Variants in TRIM5 observed in about 807,000 individuals in gnomAD.
TRIM5 encodes the protein tripartite motif containing 5, also known as tripartite motif-containing protein 5.
In TRIM5, 31 loss-of-function variants were observed where a neutral mutation model predicts 35.6. That is an observed-to-expected ratio of 0.87 (90% CI 0.65 to 1.18). TRIM5 has a LOEUF of 1.18. Ranked by LOEUF, TRIM5 falls within the 50% of genes most tolerant of loss-of-function variation. The pLI, the probability that TRIM5 is intolerant of heterozygous loss-of-function variation, is 0.00. For synonymous variants in TRIM5, 243 were observed against 215.6 expected (o/e 1.13, Z -1.11); for missense variants, 609 against 591.6 (o/e 1.03, Z -0.31).
At chr11:5,602,361 T>A in the TRIM5 span, among the ~76,000 whole-genome samples, 2 of 151,960 alleles carry the variant, frequency 1.3e-5, no homozygotes, top group Non-Finnish European at 2.9e-5. Flanking sequence ...GAGAATGGCT[T>A]GAACCCAGGA....
At chr11:5,616,288 T>G in the TRIM5 span, among the ~76,000 whole-genome samples, 3 of 144,408 alleles carry the variant, frequency 2.1e-5, no homozygotes, top group South Asian at 4.5e-4. Flanking sequence ...GTCTTCGTAC[T>G]CCAGCCTGGG....
chr11:5,663,561 T>C lies in TRIM5; in HGVS notation c.*1248A>G. On this transcript the variant is annotated 3_prime_UTR_variant, in exon 8 of 8. Transcript: ENST00000380034. Reference sequence around the variant, plus strand: ...TATTAGATCAAGACACTTAGATAGATGCTTTATACTTCAGGAATTTATTTT... The same window carrying C: ...TATTAGATCAAGACACTTAGATAGACGCTTTATACTTCAGGAATTTATTTT... 2 of 972,000 alleles carry C rather than the reference T, an allele frequency of 2.1e-6. No individual in the cohort carries two copies. The highest frequency in any genetic ancestry group is 5.3e-4 in the Middle Eastern group (1 of 1,880). The allele number at this position is 972,000 out of a possible 1,614,324, so 60.2% of individuals were successfully genotyped here. A position where few individuals can be genotyped will look rare whatever the true frequency, so the allele number is the denominator to read the frequency against.
chr11:5,656,745 T>TG, the TRIM5 span, among the ~76,000 whole-genome samples: 1 of 151,908 alleles, frequency 6.6e-6, no homozygotes, highest in Non-Finnish European at 1.5e-5. Context: ...GAAATGCAAA[T>TG]CAAAACCACA....
intron 1 of TRIM5, among the ~76,000 whole-genome samples, chr11:5,682,853 A>G (rs1852609098): frequency 6.8e-6 from 1 of 146,420 alleles, no homozygotes; most frequent in Non-Finnish European, 1.5e-5. Flanking sequence ...GCGGCACTTG[A>G]GGAGCTCTTC....
chr11:5,648,367 G>A, the TRIM5 span, among the ~76,000 whole-genome samples: 20 of 152,134 alleles, frequency 1.3e-4, no homozygotes, highest in South Asian at 8.3e-4. Flanking sequence ...TTAGCCGGGC[G>A]TGGTGGCGGG....
intron 4 of TRIM5, 97 bp from the exon 5 acceptor site, chr11:5,667,808 A>G: frequency 7.4e-7 from 1 of 1,354,686 alleles, no homozygotes; most frequent in Non-Finnish European, 1.0e-6. Flanking sequence ...TGTGCTGAGA[A>G]TGGAGATGGT....
At chr11:5,642,273 C>G in the TRIM5 span, 1 of 720,610 alleles carries the variant, frequency 1.4e-6, no homozygotes, top group Non-Finnish European at 2.2e-6. Flanking sequence ...CCGGCTCTCC[C>G]TTCTCCCCCT....
chr11:5,643,967 T>C, the TRIM5 span: 1 of 509,390 alleles, frequency 2.0e-6, no homozygotes. Flanking sequence ...TGCCTTCCCA[T>C]TTATCCATGT....
chr11:5,608,558 A>T, the TRIM5 span, among the ~76,000 whole-genome samples: 1 of 152,068 alleles, frequency 6.6e-6, no homozygotes, highest in Non-Finnish European at 1.5e-5. Context: ...AAAGGGGATG[A>T]ACTGGCCTCT....
the TRIM5 span, among the ~76,000 whole-genome samples, chr11:5,617,804 A>T: frequency 1.3e-5 from 2 of 151,872 alleles, no homozygotes; most frequent in African/African-American, 4.8e-5. Context: ...CTCAATCTTT[A>T]TAGTGGTCCT....
chr11:5,625,550 C>G, the TRIM5 span, among the ~76,000 whole-genome samples: 3 of 152,126 alleles, frequency 2.0e-5, no homozygotes, highest in Non-Finnish European at 4.4e-5. Flanking sequence ...GGGAGCACGG[C>G]CAGGGGTTGA....
intron 4 of TRIM5, among the ~76,000 whole-genome samples, chr11:5,675,685 T>G (rs1265715925): frequency 6.6e-6 from 1 of 151,434 alleles, no homozygotes; most frequent in Admixed American, 6.6e-5. Context: ...TTTCTTCTGT[T>G]GTGTTTTTTT....
Position 5,664,718 on chromosome 11 carries a change from A to G in TRIM5, c.*91T>C. On this transcript the variant is annotated 3_prime_UTR_variant, in exon 8 of 8. Coordinates refer to ENST00000380034, the MANE Select transcript of TRIM5 (RefSeq NM_033034.3). ...AGAAAGAAGGGAGACAGCAAGGAAA[A>G]GATGGTTAAAATGATGCAAATGAGT... 1 of 1,485,288 alleles carries G rather than the reference A, an allele frequency of 6.7e-7. No individual in the cohort carries two copies. Among genetic ancestry groups the G allele is most frequent in the Non-Finnish European group, 8.9e-7 (1 of 1,121,580 alleles). The allele number at this position is 1,485,288 out of a possible 1,614,324, so 92.0% of individuals were successfully genotyped here. A position where few individuals can be genotyped will look rare whatever the true frequency, so the allele number is the denominator to read the frequency against.
At position 5,680,352 on chromosome 11, in the gene TRIM5, A is replaced by C. The variant is rs558083096; in HGVS notation, c.-61-114T>G. ...GATGAAAATAATTAAGGACAAAAAA[A>C]GGGGAGAAATAAGAAAAGGTGTTTG... On this transcript the variant is annotated intron_variant, in intron 1 of 7. Coordinates refer to ENST00000380034, the MANE Select transcript of TRIM5 (RefSeq NM_033034.3). 104 of 647,294 alleles carry C rather than the reference A, an allele frequency of 1.6e-4. 2 individuals are homozygous for C. The South Asian group carries it at 3.5e-3, about 22-fold the overall frequency. The allele number at this position is 647,294 out of a possible 1,614,324, so 40.1% of individuals were successfully genotyped here. A position where few individuals can be genotyped will look rare whatever the true frequency, so the allele number is the denominator to read the frequency against.
chr11:5,627,651 A>G, the TRIM5 span, among the ~76,000 whole-genome samples: 1 of 152,322 alleles, frequency 6.6e-6, no homozygotes, highest in African/African-American at 2.4e-5. Context: ...AATGTGGTAT[A>G]GATTGGGCCC....
At chr11:5,647,920 T>C in the TRIM5 span, among the ~76,000 whole-genome samples, 28 of 151,968 alleles carry the variant, frequency 1.8e-4, no homozygotes, top group Admixed American at 4.6e-4. Context: ...AATACCACTA[T>C]TGATCCACAC....
At chr11:5,677,398 A>T (rs1407831003) in intron 4 of TRIM5, among the ~76,000 whole-genome samples, 1 of 152,226 alleles carries the variant, frequency 6.6e-6, no homozygotes, top group East Asian at 1.9e-4. Context: ...TCAAAACCAC[A>T]ATGAGATACC....
chr11:5,661,041 C>CAAAAAAAAA (rs61394016), downstream of TRIM5, among the ~76,000 whole-genome samples: 11 of 37,142 alleles, frequency 3.0e-4, 3 homozygotes, highest in Non-Finnish European at 3.0e-4. Context: ...GACTCCGTCT[C>CAAAAAAAAA]AAAAAAAAAA....
chr11:5,683,188 G>A (rs985299490), intron 1 of TRIM5, among the ~76,000 whole-genome samples: 22 of 152,198 alleles, frequency 1.4e-4, no homozygotes, highest in Non-Finnish European at 1.5e-4. Flanking sequence ...GCCTCCCCAC[G>A]ACCCCTTGGG....
Sources: gnomAD v4.1 joint callset for allele counts (sites outside exome capture counted in the v4.1 genomes callset) on GRCh38, gnomAD v4.1.1 for gene constraint, MANE v1.5 for transcripts, NCBI Gene and HGNC (gene_info 2026-07-23, HGNC 2026-07-21) for gene names.